Variants in NAV2 observed in about 807,000 individuals in gnomAD.
NAV2 encodes neuron navigator 2.
A neutral mutation model predicts 223.2 loss-of-function variants in NAV2; 54 were observed. The ratio of observed to expected loss-of-function variants is 0.24; its 90% CI spans 0.19 to 0.30. NAV2 has a LOEUF of 0.30. NAV2 is among the 10% of genes least tolerant of loss of function. The pLI is 1.00. For missense variants in NAV2, 2,806 were observed against 3,147.5 expected (o/e 0.89, Z 2.60); for synonymous variants, 1,279 against 1,239.3 (o/e 1.03, Z -0.67).
At chr11:19,603,631 C>CAAAA (rs1222524445) in intron 1 of NAV2, among the ~76,000 whole-genome samples, 9 of 57,714 alleles carry the variant, frequency 1.6e-4, no homozygotes, top group African/African-American at 2.7e-4. Context: ...GACTCCATCT[C>CAAAA]AAAAAAAAAA....
At chr11:19,797,380 C>G (rs1355078666) in intron 1 of NAV2, among the ~76,000 whole-genome samples, 1 of 152,220 alleles carries the variant, frequency 6.6e-6, no homozygotes, top group Non-Finnish European at 1.5e-5. Context: ...TCTCCACCTC[C>G]TCCCATCCCC....
chr11:19,774,459 G>C (rs1377425706), intron 1 of NAV2, among the ~76,000 whole-genome samples: 3 of 152,220 alleles, frequency 2.0e-5, no homozygotes, highest in African/African-American at 7.2e-5. Context: ...TTACAGGTGT[G>C]AGCTACCGCG....
intron 1 of NAV2, among the ~76,000 whole-genome samples, chr11:19,385,611 G>T (rs975584878): frequency 1.3e-5 from 2 of 152,092 alleles, no homozygotes; most frequent in Non-Finnish European, 2.9e-5. Context: ...TTGTTCATCA[G>T]GAAAGAGATG....
chr11:19,435,451 C>T (rs1446586883), intron 1 of NAV2, among the ~76,000 whole-genome samples: 2 of 152,054 alleles, frequency 1.3e-5, no homozygotes, highest in African/African-American at 4.8e-5. Context: ...TGTATACATA[C>T]CACATTTAAA....
At chr11:19,954,934 T>TATATATATACATATATAC (rs1219845303) in intron 10 of NAV2, among the ~76,000 whole-genome samples, 1 of 91,774 alleles carries the variant, frequency 1.1e-5, no homozygotes, top group Non-Finnish European at 2.7e-5. Context: ...TGTATATACA[T>TATATATATACATATATAC]ATATATATAC....
At chr11:19,943,074 A>G (rs1020048208) in intron 8 of NAV2, among the ~76,000 whole-genome samples, 3 of 152,260 alleles carry the variant, frequency 2.0e-5, no homozygotes, top group Non-Finnish European at 4.4e-5. Flanking sequence ...TATGGCTATT[A>G]TATTTTGTGC....
rs200896112 is a variant in NAV2 at position 20,044,305 on chromosome 11, T to G, written c.3199+33T>G. Reference sequence around the variant, plus strand: ...GCCGGGGCTGTCTTGGCCCTACAGTTGACATTTTGAAAACCAAAGCCATAG... The same window carrying G: ...GCCGGGGCTGTCTTGGCCCTACAGTGGACATTTTGAAAACCAAAGCCATAG... On this transcript the variant is annotated intron_variant, in intron 13 of 37. Transcript: ENST00000349880. The G allele has an allele frequency of 3.4e-4, 532 of 1,566,852 alleles. 2 individuals carry two copies. The African/African-American group carries it at 5.9e-3, about 17-fold the overall frequency.
At chr11:19,547,700 C>CCT (rs1455679219) in intron 1 of NAV2, among the ~76,000 whole-genome samples, 1 of 152,132 alleles carries the variant, frequency 6.6e-6, no homozygotes, top group Non-Finnish European at 1.5e-5. Context: ...AGTAGGACCC[C>CCT]CTCTCTTCCA....
Position 19,531,283 on chromosome 11 carries a change from T to TGAAC in NAV2, c.75+180257_75+180260dup, listed in dbSNP as rs549614296. On this transcript the variant is annotated intron_variant, in intron 1 of 37. Transcript: ENST00000360655. Reference sequence around the variant, plus strand: ...ACCTAATTATAAGTTACTTTAAAAATGAACCAGAGTAAGGAGGCAGGGAGT... The same window carrying TGAAC: ...ACCTAATTATAAGTTACTTTAAAAATGAACGAACCAGAGTAAGGAGGCAGGGAGT... Among the ~76,000 whole-genome samples the TGAAC allele has an allele frequency of 2.4e-4, 37 of 152,258 alleles. 1 individual carries two copies. The East Asian group carries it at 6.8e-3, about 28-fold the overall frequency.
At chr11:19,452,075 G>A (rs925060642) in intron 1 of NAV2, among the ~76,000 whole-genome samples, 4 of 151,680 alleles carry the variant, frequency 2.6e-5, no homozygotes, top group Non-Finnish European at 5.9e-5. Flanking sequence ...CTGTAACTAT[G>A]CAACACCTGG....
intron 1 of NAV2, among the ~76,000 whole-genome samples, chr11:19,821,040 A>G (rs2059343836): frequency 6.6e-6 from 1 of 152,194 alleles, no homozygotes. Flanking sequence ...AGGCGGGCAA[A>G]TCACGAGGTC....
At chr11:19,682,395 GA>G (rs2152230522) in intron 1 of NAV2, among the ~76,000 whole-genome samples, 1 of 152,316 alleles carries the variant, frequency 6.6e-6, no homozygotes, top group East Asian at 1.9e-4. Flanking sequence ...GCCCAGAAAG[GA>G]AATGTGTACT....
intron 1 of NAV2, among the ~76,000 whole-genome samples, chr11:19,401,475 C>T (rs1849682850): frequency 6.6e-6 from 1 of 152,150 alleles, no homozygotes; most frequent in Non-Finnish European, 1.5e-5. Context: ...TTACTGGGCA[C>T]ATTTATGAAA....
chr11:19,789,624 G>A (rs750303180), intron 1 of NAV2, among the ~76,000 whole-genome samples: 21 of 152,174 alleles, frequency 1.4e-4, no homozygotes, highest in Non-Finnish European at 1.6e-4. Context: ...AGGTCTTATC[G>A]TGAAAATGAA....
At chr11:19,710,859 T>C (rs2049841596), upstream of NAV2, 1 of 152,224 alleles carries the variant, frequency 6.6e-6, no homozygotes. Flanking sequence ...TCATTCAGTA[T>C]AAATGTTGGG....
chr11:19,709,551 A>C (rs111781599), upstream of NAV2, among the ~76,000 whole-genome samples: 1 of 149,700 alleles, frequency 6.7e-6, no homozygotes, highest in East Asian at 2.0e-4. Flanking sequence ...CGTCTCAAAA[A>C]AAAAAAAAAA....
At chr11:19,466,210 C>G (rs1014911210) in intron 1 of NAV2, among the ~76,000 whole-genome samples, 5 of 152,108 alleles carry the variant, frequency 3.3e-5, no homozygotes, top group Non-Finnish European at 7.3e-5. Flanking sequence ...GGTGACAGGC[C>G]AAGGGAATGG....
chr11:19,452,119 T>TAA (rs1851810297), intron 1 of NAV2, among the ~76,000 whole-genome samples: 1 of 134,428 alleles, frequency 7.4e-6, no homozygotes, highest in Non-Finnish European at 1.6e-5. Flanking sequence ...TGTGTGTGTG[T>TAA]GTGTGTGTGT....
intron 5 of NAV2, among the ~76,000 whole-genome samples, chr11:19,887,806 T>C (rs576600727): frequency 6.6e-6 from 1 of 152,210 alleles, no homozygotes; most frequent in South Asian, 2.1e-4. Context: ...AGATTTAGTA[T>C]GTAATCATCT....
Sources: allele counts gnomAD v4.1 joint callset (sites outside exome capture counted in the v4.1 genomes callset), GRCh38; gene constraint gnomAD v4.1.1; transcripts MANE v1.5; gene names NCBI Gene and HGNC (gene_info 2026-07-23, HGNC 2026-07-21).